The following FBXW11 variants were observed in gnomAD, a reference collection of about 807,000 sequenced individuals.
The protein encoded by FBXW11 is F-box and WD repeat domain containing 11, also known as F-box/WD repeat-containing protein 11.
A neutral mutation model predicts 77.6 loss-of-function variants in FBXW11; 19 were observed. That is an observed-to-expected ratio of 0.24 (90% CI 0.17 to 0.36). The LOEUF (loss-of-function observed/expected upper bound fraction) is 0.36. FBXW11 is among the 10% of genes least tolerant of loss of function. The pLI is 1.00. For synonymous variants in FBXW11, 235 were observed against 249.4 expected, an observed-to-expected ratio of 0.94 and a Z score of 0.54; for missense variants, 334 against 704.2, an observed-to-expected ratio of 0.47 and a Z score of 5.95.
At chr5:171,988,637 G>C (rs1765572497) in intron 1 of FBXW11, among the ~76,000 whole-genome samples, 1 of 151,964 alleles carries the variant, frequency 6.6e-6, no homozygotes, top group Non-Finnish European at 1.5e-5. Context: ...TTGAGGTCAG[G>C]AGTTTGAGAC....
intron 5 of FBXW11, among the ~76,000 whole-genome samples, chr5:171,899,458 C>G (rs537865504): frequency 2.0e-5 from 3 of 152,316 alleles, no homozygotes; most frequent in Admixed American, 6.5e-5. Context: ...AGCTCTCTCT[C>G]TTTGCTAACT....
Position 171,904,495 on chromosome 5 carries a change from TC to T in FBXW11, c.437-4396del. On this transcript the variant is annotated intron_variant, in intron 4 of 13. Transcript: ENST00000517395. The surrounding 1 kb of genome is among the most constrained non-coding windows in gnomAD (Gnocchi z 4.0). ...TCAAAACAACAGCAAAAAGAAAAGA[TC>T]CCCCCAATCTTCTCCTGACCTACAA... Among the ~76,000 whole-genome samples, 1 of 151,234 alleles carries T rather than the reference TC, an allele frequency of 6.6e-6. No homozygotes were observed. Among genetic ancestry groups the T allele is most frequent in the East Asian group, 1.9e-4 (1 of 5,146 alleles).
intron 2 of FBXW11, among the ~76,000 whole-genome samples, chr5:171,929,375 AAAT>A (rs543446240): frequency 6.2e-4 from 95 of 152,202 alleles, no homozygotes; most frequent in African/African-American, 2.2e-3. Flanking sequence ...TCTCAAAAAA[AAAT>A]AATAATAAAC....
chr5:171,946,484 C>T (rs896460366), intron 2 of FBXW11, among the ~76,000 whole-genome samples: 2 of 151,928 alleles, frequency 1.3e-5, no homozygotes, highest in Non-Finnish European at 2.9e-5. Context: ...CTATGACCTT[C>T]CTCCTTCCTT....
At chr5:171,945,635 C>G (rs1387560153) in intron 2 of FBXW11, among the ~76,000 whole-genome samples, 1 of 152,180 alleles carries the variant, frequency 6.6e-6, no homozygotes, top group Non-Finnish European at 1.5e-5. Context: ...AAATTGAGCA[C>G]TATATACTAA....
intron 4 of FBXW11, 42 bp from the exon 5 acceptor site, chr5:171,900,142 AGAAAGGTACC>A (rs1181551592): frequency 6.6e-7 from 1 of 1,510,426 alleles, no homozygotes; most frequent in East Asian, 2.3e-5. Flanking sequence ...GAAGAGAGAT[AGAAAGGTACC>A]AGCCATCATT....
intron 7 of FBXW11, among the ~76,000 whole-genome samples, chr5:171,890,487 C>CAA (rs5873290): frequency 0.024 from 2,998 of 126,072 alleles, 94 homozygotes; most frequent in Admixed American, 0.059. Flanking sequence ...GACTCCGTCT[C>CAA]AAAAAAAAAA....
chr5:171,931,852 CCTCCCTCCCTCTCT>C (rs1443765133), intron 2 of FBXW11, among the ~76,000 whole-genome samples: 67 of 11,092 alleles, frequency 6.0e-3, no homozygotes, highest in Non-Finnish European at 7.8e-3. Flanking sequence ...TCCCTCCCTC[CCTCCCTCCCTCTCT>C]CTCTCTCTCT....
At chr5:171,948,976 T>C (rs1235274118) in intron 2 of FBXW11, among the ~76,000 whole-genome samples, 1 of 152,234 alleles carries the variant, frequency 6.6e-6, no homozygotes, top group East Asian at 1.9e-4. Context: ...AAACTTTCTC[T>C]AAAATATTAA....
At chr5:171,866,360 C>T (rs1391250112) in intron 13 of FBXW11, among the ~76,000 whole-genome samples, 2 of 151,998 alleles carry the variant, frequency 1.3e-5, no homozygotes, top group African/African-American at 2.4e-5. Context: ...GAGACAAACA[C>T]ATTTGTGGTC....
At position 171,869,055 on chromosome 5, in the gene FBXW11, T is replaced by G. The variant is rs1035713354; in HGVS notation, c.1531-259A>C. 5.9e-5 allele frequency among the ~76,000 whole-genome samples: 9 copies of G among 152,174 alleles called. No individual in the cohort carries two copies. Among genetic ancestry groups the G allele is most frequent in the African/African-American group, 2.2e-4 (9 of 41,438 alleles). On this transcript the variant is annotated intron_variant, in intron 12 of 13. Coordinates refer to ENST00000517395, the MANE Select transcript of FBXW11 (RefSeq NM_001378974.1). This position sits in a 1 kb window ranked among gnomAD's most constrained non-coding sequence, Gnocchi z 4.1. ...TCAAAGATCATCTCAAAAAGGGCCT[T>G]ATAAAAGTAAACAACAATACATAAT...
chr5:171,950,310 T>C (rs1381508304), intron 2 of FBXW11, among the ~76,000 whole-genome samples: 1 of 151,932 alleles, frequency 6.6e-6, no homozygotes, highest in Admixed American at 6.6e-5. Flanking sequence ...GCCATACCTA[T>C]CAAAATAAAG....
intron 2 of FBXW11, among the ~76,000 whole-genome samples, chr5:171,926,701 C>A (rs927595008): frequency 6.6e-6 from 1 of 152,186 alleles, no homozygotes; most frequent in Non-Finnish European, 1.5e-5. Context: ...AATTAAACCC[C>A]ATTTCCTTAT....
At chr5:171,971,216 C>T (rs1423327089) in intron 1 of FBXW11, among the ~76,000 whole-genome samples, 3 of 152,224 alleles carry the variant, frequency 2.0e-5, no homozygotes, top group Non-Finnish European at 2.9e-5. Context: ...TATGGCTTAA[C>T]ACCTGCAACA....
At chr5:171,878,175 T>C (rs770976162) in intron 7 of FBXW11, 46 bp from the exon 8 acceptor site, 4 of 1,340,024 alleles carry the variant, frequency 3.0e-6, no homozygotes, top group Non-Finnish European at 4.3e-6. Context: ...TTATACTATA[T>C]TTTGATGAAT....
chr5:171,888,831 G>A (rs1343362496), intron 7 of FBXW11, among the ~76,000 whole-genome samples: 1 of 152,142 alleles, frequency 6.6e-6, no homozygotes, highest in Non-Finnish European at 1.5e-5. Flanking sequence ...AAAAAAGAGA[G>A]AATTCTCAGC....
chr5:171,916,544 A>G, intron 2 of FBXW11: 1 of 770,986 alleles, frequency 1.3e-6, no homozygotes, highest in Non-Finnish European at 1.6e-6. Flanking sequence ...GGGATGAAGA[A>G]CAAGGAAACA....
At chr5:171,899,521 C>A (rs1759974488) in intron 5 of FBXW11, among the ~76,000 whole-genome samples, 2 of 152,126 alleles carry the variant, frequency 1.3e-5, no homozygotes, top group African/African-American at 4.8e-5. Context: ...TATGAGTTTT[C>A]TCTGAAAAAT....
intron 2 of FBXW11, among the ~76,000 whole-genome samples, chr5:171,951,988 G>A (rs1763345121): frequency 6.6e-6 from 1 of 152,074 alleles, no homozygotes. Flanking sequence ...TTTCTATAAG[G>A]AGAAAGTTTT....
Sources: allele counts gnomAD v4.1 joint callset (sites outside exome capture counted in the v4.1 genomes callset), GRCh38; gene constraint gnomAD v4.1.1; non-coding constraint Gnocchi (gnomAD v3.1); transcripts MANE v1.5; gene names NCBI Gene and HGNC (gene_info 2026-07-23, HGNC 2026-07-21).